Variants in CYP4F22 observed in about 807,000 individuals in gnomAD.
The protein encoded by CYP4F22 is ultra-long-chain fatty acid omega-hydroxylase.
In CYP4F22, 37 loss-of-function variants were observed where a neutral mutation model predicts 60.4. The ratio of observed to expected loss-of-function variants is 0.61; its 90% CI spans 0.47 to 0.81. The LOEUF (loss-of-function observed/expected upper bound fraction) is 0.81. Among genes scored for constraint, CYP4F22 ranks in the 30% least tolerant of loss-of-function variants. The pLI is 0.00. For missense variants in CYP4F22, 655 were observed against 715.0 expected (o/e 0.92, Z 0.96); for synonymous variants, 258 against 280.5 (o/e 0.92, Z 0.80).
chr19:15,525,083 C>A (rs1306602398), intron 2 of CYP4F22, among the ~76,000 whole-genome samples: 1 of 152,162 alleles, frequency 6.6e-6, no homozygotes, highest in Non-Finnish European at 1.5e-5. Flanking sequence ...TATGCCTGGG[C>A]AGAGAATGCC....
At chr19:15,521,698 T>A (rs537049125) in intron 1 of CYP4F22, among the ~76,000 whole-genome samples, 21 of 152,168 alleles carry the variant, frequency 1.4e-4, no homozygotes, top group African/African-American at 5.1e-4. Flanking sequence ...AGATACAGGA[T>A]CTCCCTATGT....
chr19:15,547,968 TGAGAGA>T (rs748042791), intron 10 of CYP4F22, 134 bp from the exon 11 acceptor site: 151 of 1,070,026 alleles, frequency 1.4e-4, no homozygotes, highest in Middle Eastern at 2.5e-4. Context: ...CAGCTGCCCC[TGAGAGA>T]GAGAGAGAGA....
At chr19:15,520,517 A>T (rs1339488598) in intron 1 of CYP4F22, among the ~76,000 whole-genome samples, 2 of 151,790 alleles carry the variant, frequency 1.3e-5, no homozygotes, top group East Asian at 3.9e-4. Flanking sequence ...AATGGAGGCA[A>T]TACTTCACTC....
intron 10 of CYP4F22, among the ~76,000 whole-genome samples, chr19:15,547,173 G>A (rs977392697): frequency 4.6e-5 from 7 of 151,652 alleles, no homozygotes; most frequent in Non-Finnish European, 8.8e-5. Context: ...ACAGGTGCAC[G>A]CCACCACACC....
At chr19:15,510,945 CAT>C (rs1183507990) in intron 1 of CYP4F22, among the ~76,000 whole-genome samples, 2,365 of 111,510 alleles carry the variant, frequency 0.021, 47 homozygotes, top group Middle Eastern at 0.029. Flanking sequence ...ATAGGGATAC[CAT>C]ATATATATAT....
At chr19:15,541,539 G>A (rs532131028) in intron 8 of CYP4F22, among the ~76,000 whole-genome samples, 5 of 152,226 alleles carry the variant, frequency 3.3e-5, no homozygotes, top group South Asian at 2.1e-4. Context: ...CTAGCGGAGG[G>A]GGGGTGGGCA....
chr19:15,548,105 C>A lies in CYP4F22; in HGVS notation c.1137-3C>A. 6.2e-7 allele frequency: 1 copy of A among 1,612,738 alleles called. No individual in the cohort carries two copies. The highest frequency in any genetic ancestry group is 8.5e-7 in the Non-Finnish European group (1 of 1,179,610). ...CCTCTAGTTATATCTCCATTCTCCCCAGGGACGATCTGACTCAGCTGCCCT... is the reference window on the plus strand; with the variant it reads ...CCTCTAGTTATATCTCCATTCTCCCAAGGGACGATCTGACTCAGCTGCCCT... On this transcript the variant is annotated splice_polypyrimidine_tract_variant and splice_region_variant and intron_variant, in intron 10 of 13. Transcript: ENST00000269703.
chr19:15,548,000 A>AGTGTGT lies in CYP4F22; in HGVS notation c.1137-107_1137-106insTGTGTG, dbSNP rs1346252216. ...GAGAGAGAGAGAGAGAGAGAGGGAGAGAGTGTGTGTGTGTGTGTGTGTGTG... is the reference window on the plus strand; with the variant it reads ...GAGAGAGAGAGAGAGAGAGAGGGAGAGTGTGTGAGTGTGTGTGTGTGTGTGTGTGTG... On this transcript the variant is annotated intron_variant, in intron 10 of 13. Coordinates refer to ENST00000269703, the MANE Select transcript of CYP4F22 (RefSeq NM_173483.4). 4.0e-4 allele frequency: 117 copies of AGTGTGT among 294,398 alleles called. 7 individuals are homozygous for AGTGTGT. In the African/African-American group the frequency reaches 4.4e-3, roughly 11 times the overall value. 18.2% of individuals were successfully genotyped at this position (294,398 alleles called of 1,614,324 possible). A position where few individuals can be genotyped will look rare whatever the true frequency, so the allele number is the denominator to read the frequency against.
At chr19:15,540,971 C>T (rs1410991216) in intron 8 of CYP4F22, among the ~76,000 whole-genome samples, 1 of 152,170 alleles carries the variant, frequency 6.6e-6, no homozygotes, top group Non-Finnish European at 1.5e-5. Context: ...GTCCCAGCTA[C>T]TTGGGAGGCT....
At chr19:15,526,414 GAA>G (rs1250108169) in intron 3 of CYP4F22, among the ~76,000 whole-genome samples, 4 of 152,126 alleles carry the variant, frequency 2.6e-5, no homozygotes, top group African/African-American at 9.7e-5. Flanking sequence ...GGCTGATCTT[GAA>G]CTCCTAAGCT....
At chr19:15,515,402 G>A in intron 1 of CYP4F22, 1 of 1,229,476 alleles carries the variant, frequency 8.1e-7, no homozygotes, top group African/African-American at 1.5e-5. Flanking sequence ...GTACTTTGTT[G>A]GTCCAACTCA....
intron 4 of CYP4F22, among the ~76,000 whole-genome samples, chr19:15,531,681 T>C (rs1256655971): frequency 6.6e-6 from 1 of 152,204 alleles, no homozygotes; most frequent in Non-Finnish European, 1.5e-5. Context: ...GGGCCAGGAC[T>C]GAGGTGGGTT....
At chr19:15,543,312 C>T (rs1256312350) in intron 8 of CYP4F22, among the ~76,000 whole-genome samples, 1 of 152,126 alleles carries the variant, frequency 6.6e-6, no homozygotes. Context: ...CCTCCTGCCT[C>T]AGCTTCACCA....
intron 1 of CYP4F22, among the ~76,000 whole-genome samples, chr19:15,513,632 G>A (rs1971120772): frequency 6.6e-6 from 1 of 152,084 alleles, no homozygotes. Context: ...CCAAAGTGCT[G>A]GGATTACAAG....
intron 10 of CYP4F22, among the ~76,000 whole-genome samples, chr19:15,545,470 A>C (rs1272094306): frequency 2.0e-5 from 3 of 151,838 alleles, no homozygotes; most frequent in Middle Eastern, 3.2e-3. Flanking sequence ...CAACATGACG[A>C]AACCCTGTCT....
At chr19:15,532,753 G>C (rs1167496781) in intron 4 of CYP4F22, among the ~76,000 whole-genome samples, 1 of 152,106 alleles carries the variant, frequency 6.6e-6, no homozygotes, top group African/African-American at 2.4e-5. Flanking sequence ...CATCCTGCCT[G>C]GTTCTGAGAC....
At chr19:15,510,213 C>T (rs915871442) in intron 1 of CYP4F22, among the ~76,000 whole-genome samples, 3 of 151,932 alleles carry the variant, frequency 2.0e-5, no homozygotes, top group Non-Finnish European at 1.5e-5. Context: ...AACTCTTGGG[C>T]TCAAGTGATC....
intron 1 of CYP4F22, among the ~76,000 whole-genome samples, chr19:15,510,066 C>T (rs765436481): frequency 3.3e-5 from 5 of 151,804 alleles, no homozygotes; most frequent in African/African-American, 4.8e-5. Flanking sequence ...ACTGCAGCCT[C>T]GATCTCCTGG....
intron 1 of CYP4F22, among the ~76,000 whole-genome samples, chr19:15,517,928 G>A (rs2144501851): frequency 6.6e-6 from 1 of 152,268 alleles, no homozygotes; most frequent in East Asian, 1.9e-4. Flanking sequence ...CTTGGCCTGT[G>A]GAAGGAGTGG....
Sources: allele counts gnomAD v4.1 joint callset (sites outside exome capture counted in the v4.1 genomes callset), GRCh38; gene constraint gnomAD v4.1.1; transcripts MANE v1.5; gene names NCBI Gene and HGNC (gene_info 2026-07-23, HGNC 2026-07-21).